CFAP20DC: variants seen among roughly 807,000 people sequenced by gnomAD.
CFAP20DC encodes CFAP20 domain containing, also known as protein CFAP20DC.
CFAP20DC carries 84 observed loss-of-function variants against 101.7 expected under a neutral mutation model. The observed-to-expected ratio is 0.83, with a 90% confidence interval of 0.69 to 0.99. The LOEUF (loss-of-function observed/expected upper bound fraction) is 0.99, where lower values mean the gene tolerates loss of function less well. Ranked by LOEUF, CFAP20DC falls within the 50% of genes least tolerant of loss-of-function variation. The pLI is 0.00. For missense variants in CFAP20DC, 1,007 were observed against 970.3 expected, an observed-to-expected ratio of 1.04 and a Z score of -0.50; for synonymous variants, 359 against 351.2, an observed-to-expected ratio of 1.02 and a Z score of -0.25.
At chr3:59,046,345 T>C in intron 2 of CFAP20DC, 23 bp from the exon 3 acceptor site, 3 of 1,364,704 alleles carry the variant, frequency 2.2e-6, no homozygotes, top group Non-Finnish European at 2.0e-6. Context: ...ATGAAAACAG[T>C]AGTTATCACA....
intron 15 of CFAP20DC, among the ~76,000 whole-genome samples, chr3:58,758,286 G>A (rs1337329084): frequency 6.6e-6 from 1 of 152,020 alleles, no homozygotes; most frequent in East Asian, 1.9e-4. Context: ...CTTGATCCTT[G>A]ATCAACTCCT....
intron 5 of CFAP20DC, among the ~76,000 whole-genome samples, chr3:58,917,888 C>T (rs141296820): frequency 2.5e-3 from 381 of 152,226 alleles, no homozygotes; most frequent in African/African-American, 7.9e-3. Context: ...GCCAGAGCTG[C>T]CAGACCTTGC....
chr3:58,870,195 T>C lies in CFAP20DC; in HGVS notation c.830A>G (p.Asn277Ser). 1.2e-6 allele frequency: 2 copies of C among 1,614,110 alleles called. No homozygotes were observed. Among genetic ancestry groups the C allele is most frequent in the Non-Finnish European group, 1.7e-6 (2 of 1,179,986 alleles). The stretch of plus-strand genomic sequence containing the variant: ...TACCTCGCTGGATATCTTCATGTTA[T>C]TCCTTCTGCCAGAGAGTGGAGGTGG... ...LGPPPLSGRR[N>S]NMKISSETVR... is the part of the protein sequence containing the mutation. Residue 277 changes from asparagine to serine, a missense_variant, in exon 8 of 17, where the codon AAT becomes AGT. Asn to Ser is a conservative substitution (Grantham distance 46). Coordinates refer to ENST00000482387, the MANE Select transcript of CFAP20DC (RefSeq NM_001394063.1).
chr3:58,875,992 A>G (rs1217741705), intron 7 of CFAP20DC, among the ~76,000 whole-genome samples: 1 of 152,208 alleles, frequency 6.6e-6, no homozygotes, highest in East Asian at 1.9e-4. Flanking sequence ...CAGAAAACAG[A>G]CATTCTATAT....
chr3:59,025,842 T>C (rs558605097), intron 4 of CFAP20DC, among the ~76,000 whole-genome samples: 2 of 152,178 alleles, frequency 1.3e-5, no homozygotes, highest in South Asian at 2.1e-4. Context: ...GCATTTTTTC[T>C]TTTCTTTTCT....
chr3:58,838,483 T>C (rs1441186910), intron 13 of CFAP20DC, among the ~76,000 whole-genome samples: 1 of 152,222 alleles, frequency 6.6e-6, no homozygotes, highest in Admixed American at 6.5e-5. Flanking sequence ...GGTAGAAGAT[T>C]CTTGGGTAAT....
intron 15 of CFAP20DC, among the ~76,000 whole-genome samples, chr3:58,790,372 T>C (rs1170223286): frequency 6.6e-6 from 1 of 152,210 alleles, no homozygotes; most frequent in Admixed American, 6.5e-5. Context: ...GGCCCCACTC[T>C]CAAGCCTGGA....
At chr3:58,719,906 C>A (rs2067447343) in intron 3 of CFAP20DC, among the ~76,000 whole-genome samples, 1 of 152,218 alleles carries the variant, frequency 6.6e-6, no homozygotes, top group African/African-American at 2.4e-5. Context: ...TGTCCTCGGA[C>A]AAGCCAAACA....
intron 4 of CFAP20DC, among the ~76,000 whole-genome samples, chr3:58,994,806 A>C (rs776306337): frequency 2.0e-5 from 3 of 151,986 alleles, no homozygotes; most frequent in Non-Finnish European, 2.9e-5. Context: ...AGTTTCAATG[A>C]CTTTGCTCGG....
intron 6 of CFAP20DC, among the ~76,000 whole-genome samples, chr3:58,895,080 C>T (rs948909367): frequency 1.3e-5 from 2 of 152,202 alleles, no homozygotes; most frequent in South Asian, 2.1e-4. Context: ...TCCTTCTAGG[C>T]CTTAGGGCCT....
At chr3:58,801,376 G>A (rs1259761381) in intron 15 of CFAP20DC, among the ~76,000 whole-genome samples, 1 of 152,146 alleles carries the variant, frequency 6.6e-6, no homozygotes, top group East Asian at 1.9e-4. Flanking sequence ...ACTATGTTTT[G>A]AGAAACAAAA....
chr3:58,907,808 T>C (rs189880797), intron 6 of CFAP20DC, among the ~76,000 whole-genome samples: 10 of 152,260 alleles, frequency 6.6e-5, no homozygotes, highest in Admixed American at 5.9e-4. Context: ...AGCATAAAGA[T>C]AGGGTGCGTA....
intron 15 of CFAP20DC, among the ~76,000 whole-genome samples, chr3:58,761,598 T>C (rs1462110803): frequency 1.3e-5 from 2 of 152,200 alleles, no homozygotes; most frequent in African/African-American, 2.4e-5. Context: ...GTGTTTGCTC[T>C]TGCTTCTCTA....
At chr3:58,846,597 A>G (rs1456091365) in intron 13 of CFAP20DC, among the ~76,000 whole-genome samples, 90 of 151,216 alleles carry the variant, frequency 6.0e-4, no homozygotes, top group Non-Finnish European at 1.0e-3. Flanking sequence ...GCCCAAGGTA[A>G]TTTACAGATT....
chr3:58,969,733 T>G (rs1044087619), intron 4 of CFAP20DC, among the ~76,000 whole-genome samples: 1 of 152,152 alleles, frequency 6.6e-6, no homozygotes, highest in African/African-American at 2.4e-5. Context: ...CTCTACAATA[T>G]GGATAAACCT....
intron 15 of CFAP20DC, among the ~76,000 whole-genome samples, chr3:58,758,941 T>C (rs1255019013): frequency 6.6e-6 from 1 of 152,204 alleles, no homozygotes; most frequent in Non-Finnish European, 1.5e-5. Context: ...CTATCATTGT[T>C]GGACATTTGG....
chr3:59,043,094 G>C (rs1344138892), intron 3 of CFAP20DC, among the ~76,000 whole-genome samples: 1 of 152,166 alleles, frequency 6.6e-6, no homozygotes, highest in Non-Finnish European at 1.5e-5. Flanking sequence ...TGATATTCAA[G>C]AAGTCTAGAG....
rs866882345 is a variant in CFAP20DC, at chr3:58,744,040, G to T, written c.2333-1468C>A. Among the ~76,000 whole-genome samples, 7 of 152,226 alleles carry T rather than the reference G, an allele frequency of 4.6e-5. No homozygotes were observed. The South Asian group carries it at 1.0e-3, about 22-fold the overall frequency. ...AAATGTGAAATCTGCTGATTCTTGT[G>T]AGTTGAGTGCAGTGCTAGCAGTCTT... On this transcript the variant is annotated intron_variant, in intron 16 of 16. Transcript: ENST00000482387.
chr3:59,007,752 C>A lies in CFAP20DC; in HGVS notation c.278+31805G>T, dbSNP rs559391462. 8.5e-5 allele frequency among the ~76,000 whole-genome samples: 13 copies of A among 152,180 alleles called. No homozygotes were observed. Among genetic ancestry groups the A allele is most frequent in the African/African-American group, 3.1e-4 (13 of 41,522 alleles). On this transcript the variant is annotated intron_variant, in intron 4 of 16. Coordinates refer to ENST00000482387, the MANE Select transcript of CFAP20DC (RefSeq NM_001394063.1). This position sits in a 1 kb window ranked among gnomAD's most constrained non-coding sequence, Gnocchi z 4.4. ...TGGTAGCCCTGCTGGGTGGCTAGAC[C>A]CAGAAGGGCAGTAACAATCACTGAA...
Sources: allele counts gnomAD v4.1 joint callset (sites outside exome capture counted in the v4.1 genomes callset), GRCh38; gene constraint gnomAD v4.1.1; non-coding constraint Gnocchi (gnomAD v3.1); transcripts MANE v1.5; gene names NCBI Gene and HGNC (gene_info 2026-07-23, HGNC 2026-07-21).